Variants in DGLUCY observed in about 807,000 individuals in gnomAD.
DGLUCY encodes the protein D-glutamate cyclase, mitochondrial.
A neutral mutation model predicts 58.5 loss-of-function variants in DGLUCY; 58 were observed. The observed-to-expected ratio is 0.99, with a 90% CI of 0.80 to 1.23. DGLUCY has a LOEUF of 1.23. Ranked by LOEUF, DGLUCY falls within the 50% of genes most tolerant of loss-of-function variation. The probability of loss-of-function intolerance (pLI) is 0.00; values close to 1 mark genes in which losing one functional copy is unlikely to be tolerated. For missense variants in DGLUCY, 779 were observed against 784.7 expected, an observed-to-expected ratio of 0.99 and a Z score of 0.09; for synonymous variants, 325 against 314.1, an observed-to-expected ratio of 1.03 and a Z score of -0.37.
At position 91,204,718 on chromosome 14, in the gene DGLUCY, G is replaced by A; in HGVS notation, c.1457G>A (p.Gly486Glu). ...CCCTTCCCTTCAGGAGTCGGTGATG[G>A]AGGCAACGAGCTTGGGATGGGTAAA... ...PGISSTGVGD[G>E]GNELGMGKVK... is the part of the protein sequence containing the mutation. Residue 486 changes from glycine (G) to glutamate (E), a missense_variant, in exon 12 of 14, where the codon GGA (glycine) becomes GAA (glutamate). Coordinates refer to ENST00000256324, the MANE Select transcript of DGLUCY (RefSeq NM_001102368.3). 6.2e-7 allele frequency: 1 copy of A among 1,614,036 alleles called. No homozygotes were observed. Among genetic ancestry groups the A allele is most frequent in the Non-Finnish European group, 8.5e-7 (1 of 1,179,966 alleles).
chr14:91,121,454 C>T (rs144342415), intron 1 of DGLUCY, among the ~76,000 whole-genome samples: 70 of 151,974 alleles, frequency 4.6e-4, no homozygotes, highest in African/African-American at 1.5e-3. Flanking sequence ...GTTGGGAGGC[C>T]GAGGTGGGTG....
intron 12 of DGLUCY, among the ~76,000 whole-genome samples, chr14:91,206,711 T>A (rs1043048615): frequency 6.6e-6 from 1 of 152,076 alleles, no homozygotes; most frequent in African/African-American, 2.4e-5. Flanking sequence ...CCAAGTAAAT[T>A]ATGTCCACCT....
At chr14:91,127,919 C>CTTT (rs34102336) in intron 1 of DGLUCY, among the ~76,000 whole-genome samples, 4 of 134,158 alleles carry the variant, frequency 3.0e-5, no homozygotes, top group African/African-American at 8.2e-5. Context: ...AGGCACCTGG[C>CTTT]TTTTTTTTTT....
chr14:91,182,400 G>A (rs976926852), intron 8 of DGLUCY, among the ~76,000 whole-genome samples: 11 of 152,182 alleles, frequency 7.2e-5, no homozygotes, highest in African/African-American at 2.7e-4. Flanking sequence ...AAGAAAAAAA[G>A]AGAGAATGGT....
chr14:91,195,919 C>G (rs1327220139), intron 9 of DGLUCY, among the ~76,000 whole-genome samples: 1 of 152,146 alleles, frequency 6.6e-6, no homozygotes, highest in Non-Finnish European at 1.5e-5. Flanking sequence ...ATCCGCCCAC[C>G]TTGGCCTCCC....
At chr14:91,135,015 C>G (rs1478247103) in intron 1 of DGLUCY, among the ~76,000 whole-genome samples, 2 of 152,070 alleles carry the variant, frequency 1.3e-5, no homozygotes, top group African/African-American at 4.8e-5. Context: ...ACCTCCCCCT[C>G]CCAGGCTCAA....
intron 7 of DGLUCY, among the ~76,000 whole-genome samples, chr14:91,178,016 G>A (rs1466667675): frequency 6.6e-6 from 1 of 152,236 alleles, no homozygotes; most frequent in Non-Finnish European, 1.5e-5. Context: ...CCCACCATCG[G>A]TCGTGGCAGG....
intron 1 of DGLUCY, among the ~76,000 whole-genome samples, chr14:91,134,089 C>A (rs1210506402): frequency 1.3e-5 from 2 of 152,178 alleles, no homozygotes; most frequent in Non-Finnish European, 2.9e-5. Context: ...CCCCCAACCC[C>A]AACACACACC....
chr14:91,154,809 C>G (rs970588149), intron 1 of DGLUCY, among the ~76,000 whole-genome samples: 1 of 152,226 alleles, frequency 6.6e-6, no homozygotes, highest in Non-Finnish European at 1.5e-5. Context: ...ACTCACTGCT[C>G]AGTACCTTCT....
At chr14:91,157,283 G>GAATGGA (rs1566971984) in intron 1 of DGLUCY, among the ~76,000 whole-genome samples, 1 of 68,488 alleles carries the variant, frequency 1.5e-5, no homozygotes, top group Admixed American at 1.5e-4. Flanking sequence ...GGATGGATGG[G>GAATGGA]TGGGTGGATA....
intron 12 of DGLUCY, among the ~76,000 whole-genome samples, chr14:91,208,397 G>A (rs1320899958): frequency 6.6e-6 from 1 of 152,136 alleles, no homozygotes; most frequent in African/African-American, 2.4e-5. Context: ...TAATAACAGT[G>A]CATTCCATTA....
intron 1 of DGLUCY, among the ~76,000 whole-genome samples, chr14:91,074,985 T>G (rs1028902226): frequency 1.3e-5 from 2 of 151,850 alleles, no homozygotes; most frequent in Non-Finnish European, 2.9e-5. Flanking sequence ...GGCAGGAGAA[T>G]TGCTTGAACC....
chr14:91,203,929 G>A (rs888435248), intron 11 of DGLUCY, among the ~76,000 whole-genome samples: 14 of 152,068 alleles, frequency 9.2e-5, no homozygotes, highest in African/African-American at 3.4e-4. Context: ...TCCCTGCCTT[G>A]GCCTCCCAAA....
chr14:91,106,222 C>T (rs1462280231), upstream of DGLUCY, among the ~76,000 whole-genome samples: 11 of 151,374 alleles, frequency 7.3e-5, no homozygotes, highest in African/African-American at 1.2e-4. Context: ...GCAGGAGAAT[C>T]GCTCGAACCC....
At chr14:91,149,139 C>T (rs10146668) in intron 1 of DGLUCY, among the ~76,000 whole-genome samples, 51,003 of 149,938 alleles carry the variant, frequency 0.34, 9,061 homozygotes, top group Non-Finnish European at 0.4. Flanking sequence ...CCCAGCTACT[C>T]GGGAGGCTGA....
At position 91,189,174 on chromosome 14, in the gene DGLUCY, A is replaced by G. The variant is rs373963283; in HGVS notation, c.1195+4A>G. On this transcript the variant is annotated splice_donor_region_variant and intron_variant, in intron 9 of 13. Coordinates refer to ENST00000256324, the MANE Select transcript of DGLUCY (RefSeq NM_001102368.3). ...GTTGAAGATGCTGTTGAGCAAGGTA[A>G]GCAGTGAGATGGGCTTGGTCCATTT... 15 of 1,613,878 alleles carry G rather than the reference A, an allele frequency of 9.3e-6. No homozygotes were observed. In the African/African-American group the frequency reaches 2.0e-4, roughly 22 times the overall value.
intron 1 of DGLUCY, among the ~76,000 whole-genome samples, chr14:91,121,215 A>G (rs1477815411): frequency 6.6e-6 from 1 of 152,192 alleles, no homozygotes; most frequent in African/African-American, 2.4e-5. Context: ...CCTCATTAGC[A>G]GCTCCAGTGC....
intron 12 of DGLUCY, among the ~76,000 whole-genome samples, chr14:91,205,870 G>A (rs1417346889): frequency 6.3e-5 from 6 of 95,516 alleles, no homozygotes; most frequent in African/African-American, 8.4e-5. Context: ...TTTTTTGAGC[G>A]TGCTTTGTTG....
chr14:91,199,876 C>A lies in DGLUCY; in HGVS notation c.1415C>A (p.Ala472Glu). ...VDPIDDLFLA[A>E]KKIPGISSTG... is the part of the protein sequence containing the mutation. ...CCCATTGACGATCTTTTTCTTGCTGCGAAGAAGATTCCTGGAATCTCATCA... is the reference window on the plus strand; with the variant it reads ...CCCATTGACGATCTTTTTCTTGCTGAGAAGAAGATTCCTGGAATCTCATCA... Residue 472 changes from alanine to glutamate, a missense_variant, in exon 11 of 14, where the codon GCG becomes GAG. Ala to Glu is a moderately radical substitution (Grantham distance 107). Transcript: ENST00000256324. The A allele has an allele frequency of 6.2e-7, 1 of 1,614,090 alleles. No individual in the cohort carries two copies. The highest frequency in any genetic ancestry group is 1.1e-5 in the South Asian group (1 of 91,074).
Sources: gnomAD v4.1 joint callset for allele counts (sites outside exome capture counted in the v4.1 genomes callset) on GRCh38, gnomAD v4.1.1 for gene constraint, MANE v1.5 for transcripts, NCBI Gene and HGNC (gene_info 2026-07-23, HGNC 2026-07-21) for gene names.